PRTG: variants seen among roughly 807,000 people sequenced by gnomAD.
PRTG encodes the protein protogenin.
PRTG carries 67 observed loss-of-function variants against 122.5 expected under a neutral mutation model. That is an observed-to-expected ratio of 0.55 (90% confidence interval 0.45 to 0.67). PRTG has a LOEUF of 0.67. Among genes scored for constraint, PRTG ranks in the 30% least tolerant of loss-of-function variants. The pLI is 0.00. For synonymous variants in PRTG, 554 were observed against 501.1 expected (o/e 1.11, Z -1.41); for missense variants, 1,435 against 1,415.4 (o/e 1.01, Z -0.22).
intron 17 of PRTG, among the ~76,000 whole-genome samples, chr15:55,626,205 C>T (rs938839301): frequency 9.9e-5 from 15 of 152,058 alleles, no homozygotes; most frequent in Non-Finnish European, 1.8e-4. Context: ...CATTTAAGGT[C>T]AGGAGTTCAA....
intron 2 of PRTG, among the ~76,000 whole-genome samples, chr15:55,706,246 C>T (rs1467886759): frequency 6.6e-6 from 1 of 151,816 alleles, no homozygotes; most frequent in Non-Finnish European, 1.5e-5. Context: ...CCACAGGATG[C>T]TACAACAACT....
At chr15:55,623,005 T>TGTAATACAATACATATACA in intron 18 of PRTG, among the ~76,000 whole-genome samples, 1 of 152,346 alleles carries the variant, frequency 6.6e-6, no homozygotes. Flanking sequence ...ACCTATAATA[T>TGTAATACAATACATATACA]GTATTGTATA....
chr15:55,707,307 A>C (rs1287209257), intron 2 of PRTG, among the ~76,000 whole-genome samples: 1 of 152,236 alleles, frequency 6.6e-6, no homozygotes, highest in Admixed American at 6.5e-5. Context: ...GGACAAAATC[A>C]TGTCTAAACT....
chr15:55,620,782 G>A lies in PRTG; in HGVS notation c.3094-15C>T, dbSNP rs746001573. 5.7e-6 allele frequency: 9 copies of A among 1,568,636 alleles called. No homozygotes were observed. The South Asian group carries it at 9.5e-5, about 17-fold the overall frequency. On this transcript the variant is annotated splice_polypyrimidine_tract_variant and intron_variant, in intron 18 of 19. Transcript: ENST00000389286. ...TCAGTTCCTCCCTGAGGAAATAAAA[G>A]AGGGGAAATGTAAAATATCCTGGTA...
intron 1 of PRTG, chr15:55,742,426 A>AAATAAAGCCAC (rs538789414): frequency 1.2e-3 from 209 of 168,750 alleles, no homozygotes; most frequent in African/African-American, 4.6e-3. Context: ...AGGAAACAAT[A>AAATAAAGCCAC]TAAATAAAGC....
chr15:55,708,148 T>TAAAAAA lies in PRTG; in HGVS notation c.398-24223_398-24218dup, dbSNP rs35216342. Among the ~76,000 whole-genome samples, 197 of 69,992 alleles carry TAAAAAA rather than the reference T, an allele frequency of 2.8e-3. 41 individuals are homozygous for TAAAAAA. The highest frequency in any genetic ancestry group is 0.01 in the African/African-American group (161 of 15,980). 45.9% of individuals were successfully genotyped at this position (69,992 alleles called of 152,430 possible). A position where few individuals can be genotyped will look rare whatever the true frequency, so the allele number is the denominator to read the frequency against. ...CCTGTGGAAAGGAGGAGTAAGCTGG[T>TAAAAAA]AAAAAAAAAAAAAAAAAAAAAAAAA... On this transcript the variant is annotated intron_variant, in intron 2 of 19. Transcript: ENST00000389286.
At position 55,619,925 on chromosome 15, in the gene PRTG, G is replaced by A; in HGVS notation, c.*87C>T. The A allele has an allele frequency of 6.4e-7, 1 of 1,561,764 alleles. No individual in the cohort carries two copies. On this transcript the variant is annotated 3_prime_UTR_variant, in exon 20 of 20. Coordinates refer to ENST00000389286, the MANE Select transcript of PRTG (RefSeq NM_173814.6). ...AGATGGCGGCTGCAGAACTAAGGAG[G>A]AAGTCTGCTCACTAACAGATGACAC...
chr15:55,708,205 C>T (rs2030228007), intron 2 of PRTG, among the ~76,000 whole-genome samples: 2 of 127,202 alleles, frequency 1.6e-5, no homozygotes, highest in African/African-American at 6.1e-5. Context: ...GTGAGAAAGG[C>T]GGGAAAGAGA....
chr15:55,740,708 G>A (rs751312358), intron 1 of PRTG, 24 bp from the exon 2 acceptor site: 5 of 1,578,446 alleles, frequency 3.2e-6, no homozygotes, highest in South Asian at 2.3e-5. Flanking sequence ...AAAGGAGAAC[G>A]GCACATCCAG....
In PRTG at chr15:55,614,141, G is replaced by A. The variant is rs1388472765; in HGVS notation, c.*5871C>T. On this transcript the variant is annotated 3_prime_UTR_variant, in exon 20 of 20. Coordinates refer to ENST00000389286, the MANE Select transcript of PRTG (RefSeq NM_173814.6). ...TGAAGAAATGCTGAAAATTGGGGTGGAATTAGACATTATGTTTTAAAGTTC... is the reference window on the plus strand; with the variant it reads ...TGAAGAAATGCTGAAAATTGGGGTGAAATTAGACATTATGTTTTAAAGTTC... 6.6e-6 allele frequency: 1 copy of A among 152,030 alleles called. No homozygotes were observed. Among genetic ancestry groups the A allele is most frequent in the Admixed American group, 6.6e-5 (1 of 15,236 alleles). 9.4% of individuals were successfully genotyped at this position (152,030 alleles called of 1,614,324 possible).
At chr15:55,717,297 T>C (rs1349283102) in intron 2 of PRTG, among the ~76,000 whole-genome samples, 8 of 152,292 alleles carry the variant, frequency 5.3e-5, no homozygotes, top group Admixed American at 4.6e-4. Context: ...TATTTCAAAA[T>C]CTGGGAAAAA....
intron 9 of PRTG, among the ~76,000 whole-genome samples, chr15:55,674,742 AAGAGCAG>A (rs1469479004): frequency 6.6e-6 from 1 of 152,174 alleles, no homozygotes; most frequent in Admixed American, 6.5e-5. Flanking sequence ...TTTAAAAACT[AAGAGCAG>A]ATCATTGCTT....
intron 2 of PRTG, among the ~76,000 whole-genome samples, chr15:55,728,645 T>C (rs2031123862): frequency 6.6e-6 from 1 of 152,220 alleles, no homozygotes; most frequent in Non-Finnish European, 1.5e-5. Flanking sequence ...CACAATATCA[T>C]ACTCAAAGGT....
chr15:55,628,330 G>A (rs748600430), intron 16 of PRTG, among the ~76,000 whole-genome samples: 3 of 150,958 alleles, frequency 2.0e-5, no homozygotes, highest in African/African-American at 7.3e-5. Context: ...GATGAGTAGT[G>A]TAAGGGTAGC....
intron 11 of PRTG, among the ~76,000 whole-genome samples, chr15:55,666,708 A>G (rs2059441249): frequency 6.6e-6 from 1 of 152,214 alleles, no homozygotes; most frequent in Non-Finnish European, 1.5e-5. Context: ...TACAGGCTCA[A>G]TTTCTAAATA....
intron 2 of PRTG, among the ~76,000 whole-genome samples, chr15:55,686,180 G>T (rs2059569357): frequency 6.6e-6 from 1 of 151,928 alleles, no homozygotes; most frequent in African/African-American, 2.4e-5. Context: ...CATTTATCTT[G>T]GGGGGAATTA....
At chr15:55,697,318 GC>G (rs1280214129) in intron 2 of PRTG, among the ~76,000 whole-genome samples, 2 of 152,114 alleles carry the variant, frequency 1.3e-5, no homozygotes, top group Non-Finnish European at 2.9e-5. Flanking sequence ...TGTCTGTGTT[GC>G]TAACAGCCAG....
At chr15:55,717,056 C>T (rs1452013478) in intron 2 of PRTG, among the ~76,000 whole-genome samples, 2 of 152,144 alleles carry the variant, frequency 1.3e-5, no homozygotes, top group Non-Finnish European at 2.9e-5. Flanking sequence ...GCTTAGGTTA[C>T]ATGACATAGC....
At position 55,616,176 on chromosome 15, in the gene PRTG, A is replaced by T. The variant is rs566469648; in HGVS notation, c.*3836T>A. The T allele has an allele frequency of 1.7e-4, 26 of 152,248 alleles. No individual in the cohort carries two copies. In the South Asian group the frequency reaches 3.5e-3, roughly 21 times the overall value. 9.4% of individuals were successfully genotyped at this position (152,248 alleles called of 1,614,324 possible). Reference sequence around the variant, plus strand: ...TATAAAACCCCAGATTTCATTAAAAATTTTTTCCCTTTACCCAAGGTTCCA... The same window carrying T: ...TATAAAACCCCAGATTTCATTAAAATTTTTTTCCCTTTACCCAAGGTTCCA... On this transcript the variant is annotated 3_prime_UTR_variant, in exon 20 of 20. Coordinates refer to ENST00000389286, the MANE Select transcript of PRTG (RefSeq NM_173814.6).
Sources: allele counts gnomAD v4.1 joint callset (sites outside exome capture counted in the v4.1 genomes callset), GRCh38; gene constraint gnomAD v4.1.1; transcripts MANE v1.5; gene names NCBI Gene and HGNC (gene_info 2026-07-23, HGNC 2026-07-21).